N4BP2: variants seen among roughly 807,000 people sequenced by gnomAD.
N4BP2 encodes the protein NEDD4 binding protein 2, also known as NEDD4-binding protein 2.
Under a neutral mutation model 152.8 loss-of-function variants are expected in N4BP2, and 91 were observed. That is an observed-to-expected ratio of 0.60 (90% CI 0.50 to 0.71). The LOEUF (loss-of-function observed/expected upper bound fraction) is 0.71. N4BP2 is among the 30% of genes least tolerant of loss of function. The pLI is 0.00. For missense variants in N4BP2, 1,923 were observed against 2,059.1 expected (o/e 0.93, Z 1.28); for synonymous variants, 646 against 705.3 (o/e 0.92, Z 1.33).
intron 1 of N4BP2, among the ~76,000 whole-genome samples, chr4:40,058,557 C>T (rs1733402123): frequency 6.6e-6 from 1 of 152,104 alleles, no homozygotes; most frequent in African/African-American, 2.4e-5. Context: ...AAGAATAAAG[C>T]AGTTGAAATC....
chr4:40,124,526 T>C (rs536048359), intron 11 of N4BP2, among the ~76,000 whole-genome samples: 3 of 152,150 alleles, frequency 2.0e-5, no homozygotes, highest in South Asian at 4.2e-4. Flanking sequence ...TTTGTATTTT[T>C]AGTAGAGACG....
intron 13 of N4BP2, among the ~76,000 whole-genome samples, chr4:40,133,537 T>C (rs573343255): frequency 1.3e-5 from 2 of 152,246 alleles, no homozygotes; most frequent in African/African-American, 4.8e-5. Context: ...GGTTTCACTA[T>C]GTTGGCCAGG....
Position 40,155,388 on chromosome 4 carries a change from C to T in N4BP2, c.*1151C>T, listed in dbSNP as rs994497536. 6 of 150,214 alleles carry T rather than the reference C, an allele frequency of 4.0e-5. No individual in the cohort carries two copies. In the South Asian group the frequency reaches 1.3e-3, roughly 32 times the overall value. The allele number at this position is 150,214 out of a possible 1,614,324, so 9.3% of individuals were successfully genotyped here. A position where few individuals can be genotyped will look rare whatever the true frequency, so the allele number is the denominator to read the frequency against. ...ACTCAGCCTGGGTGACAGAGCAAGA[C>T]TCCGTCTCCAAAAAAAAAAAAGAAA... On this transcript the variant is annotated 3_prime_UTR_variant, in exon 18 of 18. Coordinates refer to ENST00000261435, the MANE Select transcript of N4BP2 (RefSeq NM_018177.6).
Position 40,108,791 on chromosome 4 carries a change from GT to G in N4BP2, c.1498+1769del, listed in dbSNP as rs1383582627. 2.0e-5 allele frequency among the ~76,000 whole-genome samples: 3 copies of G among 150,848 alleles called. No individual in the cohort carries two copies. The South Asian group carries it at 6.3e-4, about 32-fold the overall frequency. ...GTTTGAATTTTCTATGGAGAATCTT[GT>G]TAAGATATAGGGACTGTATTTTCCT... On this transcript the variant is annotated intron_variant, in intron 5 of 17. Transcript: ENST00000261435.
At position 40,097,468 on chromosome 4, in the gene N4BP2, CA is replaced by C. The variant is rs772569368; in HGVS notation, c.132del (p.Val45LeufsTer21). ...ACTACTCTACCTTCCATGGGTGAGA[CA>C]AAAGTTGATCAGGAAGAACTCTTCA... ...PTTTLPSMGE[T>X]KVDQEELFTS... On this transcript the variant is annotated frameshift_variant, in exon 3 of 18. Coordinates refer to ENST00000261435, the MANE Select transcript of N4BP2 (RefSeq NM_018177.6). LOFTEE classifies it high-confidence loss of function. The C allele has an allele frequency of 3.7e-6, 6 of 1,613,864 alleles. No homozygotes were observed. Among genetic ancestry groups the C allele is most frequent in the South Asian group, 1.1e-5 (1 of 91,088 alleles).
chr4:40,188,480 C>A, the N4BP2 span, among the ~76,000 whole-genome samples: 1 of 151,958 alleles, frequency 6.6e-6, no homozygotes, highest in African/African-American at 2.4e-5. Flanking sequence ...TGCAGTGGCT[C>A]ACACCTGCAA....
the N4BP2 span, among the ~76,000 whole-genome samples, chr4:40,176,142 A>C: frequency 2.0e-5 from 3 of 152,026 alleles, no homozygotes; most frequent in South Asian, 6.2e-4. Flanking sequence ...TGATTTTCCT[A>C]TCCAGCCTCT....
the N4BP2 span, among the ~76,000 whole-genome samples, chr4:40,179,294 C>T: frequency 5.9e-5 from 9 of 152,034 alleles, no homozygotes; most frequent in Non-Finnish European, 8.8e-5. Flanking sequence ...GGCATGAACC[C>T]GGGAGGCAGA....
intron 1 of N4BP2, among the ~76,000 whole-genome samples, chr4:40,059,431 C>G (rs77892092): frequency 6.6e-6 from 1 of 151,490 alleles, no homozygotes. Flanking sequence ...CTCACTCTGT[C>G]GCCCAGGCTG....
At position 40,056,936 on chromosome 4, in the gene N4BP2, G is replaced by A. The variant is rs1439543683; in HGVS notation, c.-306G>A. ...TTGCGCGGCGCGGGAGAGCGCAGTGGCGCCGGCGGGAAAGGGCTGCGGACC... is the reference window on the plus strand; with the variant it reads ...TTGCGCGGCGCGGGAGAGCGCAGTGACGCCGGCGGGAAAGGGCTGCGGACC... On this transcript the variant is annotated 5_prime_UTR_variant, in exon 1 of 18. Transcript: ENST00000261435. The A allele has an allele frequency of 6.6e-6, 1 of 152,126 alleles. No homozygotes were observed. The highest frequency in any genetic ancestry group is 6.5e-5 in the Admixed American group (1 of 15,276). 9.4% of individuals were successfully genotyped at this position (152,126 alleles called of 1,614,324 possible). A position where few individuals can be genotyped will look rare whatever the true frequency, so the allele number is the denominator to read the frequency against.
intron 14 of N4BP2, among the ~76,000 whole-genome samples, chr4:40,139,959 C>T (rs1037406567): frequency 3.7e-4 from 56 of 151,524 alleles, no homozygotes; most frequent in African/African-American, 1.3e-3. Flanking sequence ...ACCACCACAC[C>T]TGGCTAATTT....
intron 15 of N4BP2, 52 bp downstream of exon 15, chr4:40,142,913 C>T (rs1384639842): frequency 6.8e-7 from 1 of 1,478,318 alleles, no homozygotes; most frequent in African/African-American, 1.4e-5. Context: ...TAACTAAATA[C>T]TCTTGAAGCA....
the N4BP2 span, among the ~76,000 whole-genome samples, chr4:40,183,360 G>A: frequency 6.7e-6 from 1 of 149,490 alleles, no homozygotes; most frequent in African/African-American, 2.5e-5. Context: ...TTTTGAGACG[G>A]CGTCTGGCTC....
chr4:40,146,352 C>T (rs1412023226), intron 16 of N4BP2, among the ~76,000 whole-genome samples: 1 of 152,050 alleles, frequency 6.6e-6, no homozygotes, highest in East Asian at 1.9e-4. Context: ...GTTAGGCCCC[C>T]TGTTAATAAC....
intron 16 of N4BP2, among the ~76,000 whole-genome samples, chr4:40,145,843 A>C (rs1720462823): frequency 2.0e-5 from 3 of 152,164 alleles, no homozygotes; most frequent in Admixed American, 2.0e-4. Flanking sequence ...AAATAGTTAC[A>C]TAAGTAATTA....
At chr4:40,146,869 CTTTTT>C (rs33993973) in intron 16 of N4BP2, among the ~76,000 whole-genome samples, 2 of 90,060 alleles carry the variant, frequency 2.2e-5, no homozygotes, top group Non-Finnish European at 4.4e-5. Flanking sequence ...ATGTGTTTGG[CTTTTT>C]TTTTTTTTTT....
At chr4:40,076,195 G>T (rs1712712135) in intron 2 of N4BP2, among the ~76,000 whole-genome samples, 1 of 152,000 alleles carries the variant, frequency 6.6e-6, no homozygotes, top group African/African-American at 2.4e-5. Flanking sequence ...GTATTTTTTG[G>T]CCAGGTGCGG....
At chr4:40,071,338 G>A (rs151312372) in intron 1 of N4BP2, among the ~76,000 whole-genome samples, 107 of 152,238 alleles carry the variant, frequency 7.0e-4, no homozygotes, top group African/African-American at 2.5e-3. Context: ...GGTGTGAGTA[G>A]ACTTAGGTTA....
chr4:40,085,830 C>T (rs1713887722), intron 2 of N4BP2, among the ~76,000 whole-genome samples: 1 of 152,050 alleles, frequency 6.6e-6, no homozygotes. Context: ...GAGAACTGAT[C>T]ATTTGATTTA....
Sources: gnomAD v4.1 joint callset for allele counts (sites outside exome capture counted in the v4.1 genomes callset) on GRCh38, gnomAD v4.1.1 for gene constraint, MANE v1.5 for transcripts, NCBI Gene and HGNC (gene_info 2026-07-23, HGNC 2026-07-21) for gene names.